Variants in BTBD2 observed in about 807,000 individuals in gnomAD.
The protein encoded by BTBD2 is BTB domain containing 2.
Under a neutral mutation model 44.0 loss-of-function variants are expected in BTBD2, and 15 were observed. The ratio of observed to expected loss-of-function variants is 0.34; its 90% confidence interval spans 0.23 to 0.53. The LOEUF (loss-of-function observed/expected upper bound fraction) is 0.53, where lower values mean the gene tolerates loss of function less well. Ranked by LOEUF, BTBD2 falls within the 20% of genes least tolerant of loss-of-function variation. The pLI is 0.95. For synonymous variants in BTBD2, 443 were observed against 335.9 expected (o/e 1.32, Z -3.49); for missense variants, 657 against 746.4 (o/e 0.88, Z 1.39).
Position 1,987,538 on chromosome 19 carries a change from C to T in BTBD2, c.1143G>A (p.Glu381=), listed in dbSNP as rs1434772285. Residue 381 remains glutamate, a synonymous_variant, in exon 6 of 9, where the codon GAG becomes GAA. Transcript: ENST00000255608. ...ECSINRFQQV[E]SRWGYSGTSD... is the part of the protein sequence containing the mutation. ...TGGTCCCGCTGTAGCCCCAGCGACTCTCCACCTGCTGGAAGCGGTTGATGC... is the reference window on the plus strand; with the variant it reads ...TGGTCCCGCTGTAGCCCCAGCGACTTTCCACCTGCTGGAAGCGGTTGATGC... The T allele has an allele frequency of 1.2e-6, 2 of 1,608,290 alleles. No individual in the cohort carries two copies. Among genetic ancestry groups the T allele is most frequent in the South Asian group, 2.2e-5 (2 of 90,124 alleles).
At chr19:1,989,857 TC>T in intron 5 of BTBD2, 146 bp downstream of exon 5, 1 of 940,614 alleles carries the variant, frequency 1.1e-6, no homozygotes, top group Non-Finnish European at 1.6e-6. Context: ...GGACGCGTCC[TC>T]ACAAGCCAGG....
Position 1,985,559 on chromosome 19 carries a change from AAC to A in BTBD2, c.*927_*928del, listed in dbSNP as rs1377244461. On this transcript the variant is annotated 3_prime_UTR_variant, in exon 9 of 9. Transcript: ENST00000255608. ...CAGGTTCCAGGAGTCACAGGGCAGA[AAC>A]ACGCGGGGTGGGTGGGGGCGTGGCC... is the stretch of plus-strand genomic sequence containing the variant. 3 of 152,428 alleles carry A rather than the reference AAC, an allele frequency of 2.0e-5. No individual in the cohort carries two copies. Among genetic ancestry groups the A allele is most frequent in the Non-Finnish European group, 2.9e-5 (2 of 68,060 alleles). 9.4% of individuals were successfully genotyped at this position (152,428 alleles called of 1,614,324 possible). A position where few individuals can be genotyped will look rare whatever the true frequency, so the allele number is the denominator to read the frequency against.
rs1366552054 is a variant in BTBD2 at position 1,986,438 on chromosome 19, G to A, written c.*50C>T. The A allele has an allele frequency of 1.2e-6, 2 of 1,600,982 alleles. No individual in the cohort carries two copies. The highest frequency in any genetic ancestry group is 2.2e-5 in the East Asian group (1 of 44,634). On this transcript the variant is annotated 3_prime_UTR_variant, in exon 9 of 9. Transcript: ENST00000255608. ...GGGCCCCAGCAGCAGATGATGGCCT[G>A]GGGCTGCGGCTATCCCCACGGAGGG...
At chr19:2,008,632 C>T (rs925055698) in intron 1 of BTBD2, among the ~76,000 whole-genome samples, 2 of 144,532 alleles carry the variant, frequency 1.4e-5, no homozygotes. Context: ...CACTCTATCG[C>T]CCAGGATGGA....
chr19:2,007,972 G>C (rs1273215148), intron 1 of BTBD2, among the ~76,000 whole-genome samples: 1 of 152,026 alleles, frequency 6.6e-6, no homozygotes, highest in African/African-American at 2.4e-5. Context: ...ACTGATTCTA[G>C]AAGAGTAATA....
intron 1 of BTBD2, among the ~76,000 whole-genome samples, chr19:2,006,234 G>A (rs934906939): frequency 6.6e-6 from 1 of 152,130 alleles, no homozygotes; most frequent in African/African-American, 2.4e-5. Context: ...TCTGTAGTCC[G>A]TACTGGCACA....
At position 1,986,816 on chromosome 19, in the gene BTBD2, C is replaced by T. The variant is rs1390012531; in HGVS notation, c.1416+14G>A. 2 of 1,596,252 alleles carry T rather than the reference C, an allele frequency of 1.3e-6. No individual in the cohort carries two copies. The highest frequency in any genetic ancestry group is 1.7e-6 in the Non-Finnish European group (2 of 1,170,906). ...GAGACTCCCACGGAGGGACCCCTGT[C>T]CCCGGCGGCGCACCTTGAGCGTGGC... On this transcript the variant is annotated intron_variant, in intron 8 of 8. Coordinates refer to ENST00000255608, the MANE Select transcript of BTBD2 (RefSeq NM_017797.4).
Position 1,997,458 on chromosome 19 carries a change from A to G in BTBD2, c.413T>C (p.Val138Ala), listed in dbSNP as rs2016266492. ...SSQRIPAHRF[V>A]LAVGSAVFDA... ...AAAGACGGCGCTGCCCACGGCCAGCACGAACCTGGTACGGGAGAGAGAAGG... is the reference window on the plus strand; with the variant it reads ...AAAGACGGCGCTGCCCACGGCCAGCGCGAACCTGGTACGGGAGAGAGAAGG... Residue 138 changes from valine (V) to alanine (A), a missense_variant, in exon 2 of 9, where the codon GTG becomes GCG. Around this residue, in one of 3 missense-constraint regions of BTBD2, gnomAD observed 191 missense variants for 188.5 expected, o/e 1.01. Transcript: ENST00000255608. The G allele has an allele frequency of 6.2e-7, 1 of 1,613,944 alleles. No individual in the cohort carries two copies. The highest frequency in any genetic ancestry group is 1.1e-5 in the South Asian group (1 of 91,086).
chr19:1,989,849 ACGCGTCCT>A, intron 5 of BTBD2, 147 bp downstream of exon 5: 1 of 813,976 alleles, frequency 1.2e-6, no homozygotes, highest in Admixed American at 2.4e-5. Context: ...GGCCCTGTGG[ACGCGTCCT>A]CACAAGCCAG....
intron 5 of BTBD2, chr19:1,987,992 G>A (rs1283144933): frequency 3.6e-5 from 13 of 364,924 alleles, no homozygotes; most frequent in Non-Finnish European, 6.0e-5. Context: ...CCACTGTAGG[G>A]ACCACCCGTC....
intron 1 of BTBD2, among the ~76,000 whole-genome samples, chr19:1,999,911 A>G (rs968306658): frequency 5.3e-5 from 8 of 151,496 alleles, no homozygotes; most frequent in South Asian, 2.1e-4. Context: ...TCAGTGAGCC[A>G]AGATCACGCC....
chr19:2,011,870 T>TCCCC (rs2016468744), intron 1 of BTBD2, among the ~76,000 whole-genome samples: 4 of 152,036 alleles, frequency 2.6e-5, no homozygotes, highest in Admixed American at 2.6e-4. Context: ...TCCTTTTTTT[T>TCCCC]TTGAGACAGA....
intron 3 of BTBD2, among the ~76,000 whole-genome samples, chr19:1,992,751 T>C (rs1344054778): frequency 3.3e-5 from 5 of 151,840 alleles, no homozygotes; most frequent in Admixed American, 6.6e-5. Flanking sequence ...TTTGTGTTTT[T>C]AGTAGAGATA....
intron 1 of BTBD2, among the ~76,000 whole-genome samples, chr19:2,005,953 T>C (rs1415078111): frequency 6.6e-6 from 1 of 151,934 alleles, no homozygotes; most frequent in African/African-American, 2.4e-5. Flanking sequence ...CCGAGCATAG[T>C]GGTGCATGTC....
At chr19:1,991,497 C>G (rs989634392) in intron 3 of BTBD2, among the ~76,000 whole-genome samples, 1 of 152,132 alleles carries the variant, frequency 6.6e-6, no homozygotes, top group Non-Finnish European at 1.5e-5. Context: ...AGATGAAGCC[C>G]GGGGAGTGAG....
Position 1,986,575 on chromosome 19 carries a change from G to C in BTBD2, c.1491C>G (p.Thr497=). Reference sequence around the variant, plus strand: ...CGGCCGCGTAGCAAAAGGTGAAGCAGGTCTTGGCGCCCGTGGTGGGCGACT... The same window carrying C: ...CGGCCGCGTAGCAAAAGGTGAAGCACGTCTTGGCGCCCGTGGTGGGCGACT... ...THESPTTGAK[T]CFTFCYAAGN... Residue 497 remains threonine, a synonymous_variant, in exon 9 of 9, where the codon ACC becomes ACG. Coordinates refer to ENST00000255608, the MANE Select transcript of BTBD2 (RefSeq NM_017797.4). 1 of 1,614,080 alleles carries C rather than the reference G, an allele frequency of 6.2e-7. No homozygotes were observed. The highest frequency in any genetic ancestry group is 8.5e-7 in the Non-Finnish European group (1 of 1,179,966).
rs146648828 is a variant in BTBD2, at chr19:1,990,059, G to T, written c.933C>A (p.Gly311=). The change falls in exon 5 of 9, where the codon GGC becomes GGA. Residue 311 remains glycine, a synonymous_variant. Coordinates refer to ENST00000255608, the MANE Select transcript of BTBD2 (RefSeq NM_017797.4). ...GGAAGCGAATGAGGCCCAGGGCCTT[G>T]CCCAGAACCTTCCGCCTGTTCTCTG... ...VTPENRRKVL[G]KALGLIRFPL... 265 of 1,613,214 alleles carry T rather than the reference G, an allele frequency of 1.6e-4. No homozygotes were observed. The highest frequency in any genetic ancestry group is 2.1e-4 in the Non-Finnish European group (247 of 1,180,052).
intron 3 of BTBD2, 132 bp from the exon 4 acceptor site, chr19:1,990,954 G>T: frequency 1.3e-6 from 1 of 777,118 alleles, no homozygotes; most frequent in Non-Finnish European, 2.1e-6. Context: ...GGAGCCACCA[G>T]GGTCTCAGCC....
chr19:2,002,722 A>T (rs1335653946), intron 1 of BTBD2: 1 of 151,870 alleles, frequency 6.6e-6, no homozygotes, highest in African/African-American at 2.4e-5. Context: ...AGATACCAAA[A>T]ACAAATTAGC....
Sources: gnomAD v4.1 joint callset for allele counts (sites outside exome capture counted in the v4.1 genomes callset) on GRCh38, gnomAD v4.1.1 for gene constraint, gnomAD v4.1.1 regional missense constraint, MANE v1.5 for transcripts, NCBI Gene and HGNC (gene_info 2026-07-23, HGNC 2026-07-21) for gene names.